PLCD4: variants seen among roughly 807,000 people sequenced by gnomAD.
PLCD4 encodes 1-phosphatidylinositol 4,5-bisphosphate phosphodiesterase delta-4.
In PLCD4, 63 loss-of-function variants were observed where a neutral mutation model predicts 90.2. The ratio of observed to expected loss-of-function variants is 0.70; its 90% CI spans 0.57 to 0.86. The LOEUF is 0.86. Among genes scored for constraint, PLCD4 ranks in the 40% least tolerant of loss-of-function variants. The pLI, the probability that PLCD4 is intolerant of heterozygous loss-of-function variation, is 0.00. For missense variants in PLCD4, 830 were observed against 956.3 expected (o/e 0.87, Z 1.74); for synonymous variants, 294 against 356.5 (o/e 0.82, Z 1.97).
chr2:218,633,798 G>A (rs1169465545), intron 11 of PLCD4, 37 bp downstream of exon 11: 1 of 1,609,558 alleles, frequency 6.2e-7, no homozygotes, highest in Admixed American at 1.7e-5. Context: ...AGGGAAGTGG[G>A]ATGGATAGGT....
intron 6 of PLCD4, among the ~76,000 whole-genome samples, chr2:218,625,644 A>G (rs1696081962): frequency 6.6e-6 from 1 of 152,226 alleles, no homozygotes; most frequent in Non-Finnish European, 1.5e-5. Flanking sequence ...TCAAGAATGA[A>G]ACTTTCTGGC....
At chr2:218,618,041 C>T (rs150485055) in intron 3 of PLCD4, among the ~76,000 whole-genome samples, 52 of 151,720 alleles carry the variant, frequency 3.4e-4, no homozygotes, top group Admixed American at 9.2e-4. Flanking sequence ...GAGCCGAGAT[C>T]GCGCCACTGC....
chr2:218,636,650 G>T lies in PLCD4; in HGVS notation c.*73G>T. On this transcript the variant is annotated 3_prime_UTR_variant, in exon 16 of 16. Coordinates refer to ENST00000450993, the MANE Select transcript of PLCD4 (RefSeq NM_032726.4). ...GAAACATCTGGAAGGATGCTCGAGA[G>T]AACAAATGGAGGTGGTGAAAATCAA... 6.9e-7 allele frequency: 1 copy of T among 1,450,932 alleles called. No homozygotes were observed. The highest frequency in any genetic ancestry group is 2.4e-5 in the East Asian group (1 of 41,776). 89.9% of individuals were successfully genotyped at this position (1,450,932 alleles called of 1,614,324 possible).
At chr2:218,627,943 G>A (rs1330591454) in intron 6 of PLCD4, 86 bp from the exon 7 acceptor site, 72 of 1,261,244 alleles carry the variant, frequency 5.7e-5, no homozygotes, top group Non-Finnish European at 7.8e-6. Context: ...GGCTCTGGAT[G>A]GAGTGGGAGG....
At chr2:218,628,412 T>C (rs1696209558) in intron 7 of PLCD4, 182 bp downstream of exon 7, 2 of 577,844 alleles carry the variant, frequency 3.5e-6, no homozygotes, top group Admixed American at 6.0e-5. Flanking sequence ...AATGAAACCC[T>C]ATGGGTCAAT....
At position 218,635,778 on chromosome 2, in the gene PLCD4, C is replaced by T. The variant is rs1434979232; in HGVS notation, c.1897-18C>T. The T allele has an allele frequency of 1.2e-6, 2 of 1,607,840 alleles. No individual in the cohort carries two copies. Among genetic ancestry groups the T allele is most frequent in the Admixed American group, 1.7e-5 (1 of 58,934 alleles). Reference sequence around the variant, plus strand: ...GGGCTGAGCAGGAACTTGTGAGATTCCAGAGCCCTGACTACAGGTGATCAG... The same window carrying T: ...GGGCTGAGCAGGAACTTGTGAGATTTCAGAGCCCTGACTACAGGTGATCAG... On this transcript the variant is annotated intron_variant, in intron 13 of 15. Transcript: ENST00000450993.
At chr2:218,610,134 A>T (rs537083179) in intron 1 of PLCD4, among the ~76,000 whole-genome samples, 135 of 152,154 alleles carry the variant, frequency 8.9e-4, no homozygotes, top group South Asian at 1.2e-3. Context: ...ATAATAATTT[A>T]AAAAAAATTT....
chr2:218,608,812 T>G (rs1231969252), intron 1 of PLCD4, among the ~76,000 whole-genome samples: 2 of 152,114 alleles, frequency 1.3e-5, no homozygotes, highest in Non-Finnish European at 2.9e-5. Flanking sequence ...CAGAGGCTAT[T>G]GATGTAGCTG....
rs965793023 is a variant in PLCD4 at position 218,622,819 on chromosome 2, G to A, written c.713G>A (p.Arg238Lys). Residue 238 changes from arginine to lysine, a missense_variant, in exon 6 of 16, where the codon AGA becomes AAA. Arg to Lys is a conservative substitution (Grantham distance 26, BLOSUM62 2). Transcript: ENST00000450993. ...TTCCTCCAAGAGGAGCAGAAGGAGA[G>A]AGACTGCACCTCTGAGCTTGCTCTG... is the stretch of plus-strand genomic sequence containing the variant. ...LDFLQEEQKE[R>K]DCTSELALEL... is the part of the protein sequence containing the mutation. 1 of 1,614,044 alleles carries A rather than the reference G, an allele frequency of 6.2e-7. No individual in the cohort carries two copies. The highest frequency in any genetic ancestry group is 1.3e-5 in the African/African-American group (1 of 75,060).
rs771070782 is a variant in PLCD4, at chr2:218,634,579, C to T, written c.1845C>T (p.Phe615=). 1 of 1,614,070 alleles carries T rather than the reference C, an allele frequency of 6.2e-7. No homozygotes were observed. Among genetic ancestry groups the T allele is most frequent in the East Asian group, 2.2e-5 (1 of 44,884 alleles). Residue 615 remains phenylalanine, a synonymous_variant, in exon 13 of 16, where the codon TTC becomes TTT. Transcript: ENST00000450993. This position sits in a 1 kb window ranked among gnomAD's most constrained non-coding sequence, Gnocchi z 4.0. ...TCCTGCGTGATATCCAGAGTTCTTT[C>T]CACCCTGAGAAGCCCATCAGCCCTT... is the stretch of plus-strand genomic sequence containing the variant. ...PDFLRDIQSS[F]HPEKPISPFK... is the part of the protein sequence containing the mutation.
rs1696763168 is a variant in PLCD4 at position 218,636,481 on chromosome 2, C to G, written c.2193C>G (p.His731Gln). 4 of 1,613,922 alleles carry G rather than the reference C, an allele frequency of 2.5e-6. No individual in the cohort carries two copies. Among genetic ancestry groups the G allele is most frequent in the Non-Finnish European group, 3.4e-6 (4 of 1,179,912 alleles). Residue 731 changes from histidine to glutamine, a missense_variant, in exon 16 of 16, where the codon CAC becomes CAG. By Grantham distance (24) the His-to-Gln change is conservative (BLOSUM62 0). Coordinates refer to ENST00000450993, the MANE Select transcript of PLCD4 (RefSeq NM_032726.4). ...TCCTGCCCCTTCCAGGTTACCGCCA[C>G]ATTCACCTGCTGTCCAAAGATGGCA... ...PWTCMQQGYR[H>Q]IHLLSKDGIS... is the part of the protein sequence containing the mutation.
chr2:218,625,290 ACT>A (rs1427970131), intron 6 of PLCD4, among the ~76,000 whole-genome samples: 2 of 150,284 alleles, frequency 1.3e-5, no homozygotes, highest in Non-Finnish European at 3.0e-5. Flanking sequence ...TCAGTCCAAG[ACT>A]CTGTTTCAAA....
At chr2:218,608,242 C>T (rs1217039914) in intron 1 of PLCD4, among the ~76,000 whole-genome samples, 172 bp downstream of exon 1, 2 of 152,184 alleles carry the variant, frequency 1.3e-5, no homozygotes, top group Non-Finnish European at 2.9e-5. Flanking sequence ...AGCTTATCCT[C>T]CTTTATCCTT....
intron 11 of PLCD4, 109 bp from the exon 12 acceptor site, chr2:218,633,996 G>A: frequency 1.4e-6 from 2 of 1,440,438 alleles, no homozygotes. Context: ...ACTTTCTGGA[G>A]CCAGCTTCAG....
Position 218,634,240 on chromosome 2 carries a change from C to T in PLCD4, c.1723+19C>T, listed in dbSNP as rs780692643. 1 of 1,600,722 alleles carries T rather than the reference C, an allele frequency of 6.2e-7. No homozygotes were observed. Among genetic ancestry groups the T allele is most frequent in the Non-Finnish European group, 8.5e-7 (1 of 1,173,430 alleles). On this transcript the variant is annotated intron_variant, in intron 12 of 15. Coordinates refer to ENST00000450993, the MANE Select transcript of PLCD4 (RefSeq NM_032726.4). This position sits in a 1 kb window ranked among gnomAD's most constrained non-coding sequence, Gnocchi z 4.0. ...CAGATGGGTGAGGAGGCAGCAGGGA[C>T]TGGGAAGAGGGAGTGGAGGAGCAGC...
chr2:218,616,898 TTATA>T (rs1174872985), intron 3 of PLCD4, among the ~76,000 whole-genome samples: 92 of 6,248 alleles, frequency 0.015, 6 homozygotes, highest in Admixed American at 0.027. Context: ...AGCCATTATT[TTATA>T]TATATATATA....
At chr2:218,622,604 C>A in intron 5 of PLCD4, 43 bp from the exon 6 acceptor site, 12 of 1,389,212 alleles carry the variant, frequency 8.6e-6, no homozygotes, top group Middle Eastern at 1.8e-4. Context: ...ATAACATTTC[C>A]CATTAAAAGT....
intron 1 of PLCD4, among the ~76,000 whole-genome samples, chr2:218,610,810 C>G (rs190119010): frequency 4.0e-4 from 61 of 152,156 alleles, no homozygotes; most frequent in African/African-American, 1.4e-3. Context: ...TCACTGCAGC[C>G]TCCGCCTCCT....
intron 3 of PLCD4, among the ~76,000 whole-genome samples, chr2:218,616,726 T>TATATACATAC (rs1695595370): frequency 7.8e-6 from 1 of 128,776 alleles, no homozygotes; most frequent in Non-Finnish European, 1.6e-5. Flanking sequence ...AAAATACATA[T>TATATACATAC]ATACATACAT....
Sources: gnomAD v4.1 joint callset for allele counts (sites outside exome capture counted in the v4.1 genomes callset) on GRCh38, gnomAD v4.1.1 for gene constraint, Gnocchi (gnomAD v3.1) non-coding constraint, MANE v1.5 for transcripts, NCBI Gene and HGNC (gene_info 2026-07-23, HGNC 2026-07-21) for gene names.